MDH1B: variants seen among roughly 807,000 people sequenced by gnomAD.
MDH1B encodes malate dehydrogenase 1B.
MDH1B carries 60 observed loss-of-function variants against 61.4 expected under a neutral mutation model. The ratio of observed to expected loss-of-function variants is 0.98; its 90% CI spans 0.79 to 1.21. MDH1B has a LOEUF of 1.21. Ranked by LOEUF, MDH1B falls within the 50% of genes most tolerant of loss-of-function variation. The probability of loss-of-function intolerance (pLI) is 0.00; values close to 1 mark genes in which losing one functional copy is unlikely to be tolerated. For missense variants in MDH1B, 587 were observed against 632.1 expected (o/e 0.93, Z 0.76); for synonymous variants, 236 against 218.7 (o/e 1.08, Z -0.70).
chr2:206,747,413 C>T (rs928102958), intron 7 of MDH1B, among the ~76,000 whole-genome samples: 5 of 152,184 alleles, frequency 3.3e-5, no homozygotes, highest in African/African-American at 7.2e-5. Flanking sequence ...ACAATTCCTA[C>T]AGAGATTAAT....
intron 10 of MDH1B, among the ~76,000 whole-genome samples, chr2:206,739,928 C>A (rs1687713733): frequency 6.6e-6 from 1 of 152,178 alleles, no homozygotes; most frequent in South Asian, 2.1e-4. Flanking sequence ...CCCTATGAAG[C>A]CTCCTTCCCT....
At chr2:206,756,582 G>C in intron 4 of MDH1B, 1 of 272,790 alleles carries the variant, frequency 3.7e-6, no homozygotes, top group Non-Finnish European at 6.9e-6. Context: ...GAAAGCTCTA[G>C]CACGTGGGAA....
chr2:206,765,283 A>C lies in MDH1B; in HGVS notation c.-12T>G, dbSNP rs562208234. On this transcript the variant is annotated 5_prime_UTR_variant, in exon 1 of 12. Transcript: ENST00000374412. ...ACGAATTTGGCCATGGTCGAGAGAG[A>C]CTCAGAGGCAGGGACCGCGGCTTCG... The C allele has an allele frequency of 1.3e-6, 2 of 1,597,830 alleles. No homozygotes were observed. Among genetic ancestry groups the C allele is most frequent in the Admixed American group, 1.8e-5 (1 of 55,196 alleles).
Position 206,756,878 on chromosome 2 carries a change from C to G in MDH1B, c.413+20G>C. The G allele has an allele frequency of 6.2e-7, 1 of 1,611,464 alleles. No homozygotes were observed. The highest frequency in any genetic ancestry group is 8.5e-7 in the Non-Finnish European group (1 of 1,178,840). On this transcript the variant is annotated intron_variant, in intron 4 of 11. Coordinates refer to ENST00000374412, the MANE Select transcript of MDH1B (RefSeq NM_001039845.3). ...ATATAAAAAGTAAATCTCATGAATC[C>G]TGGGATTTGACTGTCCCACCTGGTG...
At position 206,749,183 on chromosome 2, in the gene MDH1B, A is replaced by G. The variant is rs746343804; in HGVS notation, c.1053T>C (p.Ser351=). The change falls in exon 7 of 12, where the codon AGT becomes AGC. Residue 351 remains serine (S), a splice_region_variant and synonymous_variant. Coordinates refer to ENST00000374412, the MANE Select transcript of MDH1B (RefSeq NM_001039845.3). Reference sequence around the variant, plus strand: ...CCACAAATTCTCTTTTTACCCACTCACTGTAAGGAGAGAAAGAAACAATTT... The same window carrying G: ...CCACAAATTCTCTTTTTACCCACTCGCTGTAAGGAGAGAAAGAAACAATTT... ...SRPVLNLIFD[S]EWVKREFVAI... 6.2e-7 allele frequency: 1 copy of G among 1,613,732 alleles called. No homozygotes were observed. The highest frequency in any genetic ancestry group is 2.2e-5 in the East Asian group (1 of 44,852).
intron 2 of MDH1B, among the ~76,000 whole-genome samples, chr2:206,759,148 C>T (rs765382998): frequency 1.1e-4 from 17 of 152,020 alleles, no homozygotes; most frequent in Non-Finnish European, 1.8e-4. Flanking sequence ...CTCCACCCTC[C>T]GATAGGCCCC....
chr2:206,755,091 T>C lies in MDH1B; in HGVS notation c.828A>G (p.Ala276=). 2 of 1,614,222 alleles carry C rather than the reference T, an allele frequency of 1.2e-6. No homozygotes were observed. Among genetic ancestry groups the C allele is most frequent in the Non-Finnish European group, 1.7e-6 (2 of 1,180,026 alleles). ...CCAGCGCCACAGCAATAATGTTGTG[T>C]GCAATGCGTGGGGCATATCTCATGA... ...VLLMRYAPRI[A]HNIIAVALGV... Residue 276 remains alanine, a synonymous_variant, in exon 5 of 12, where the codon GCA becomes GCG. Transcript: ENST00000374412.
At chr2:206,756,877 C>A (rs373579196) in intron 4 of MDH1B, 21 bp downstream of exon 4, 28 of 1,611,776 alleles carry the variant, frequency 1.7e-5, no homozygotes, top group Admixed American at 8.4e-5. Flanking sequence ...TCTCATGAAT[C>A]CTGGGATTTG....
intron 1 of MDH1B, among the ~76,000 whole-genome samples, chr2:206,762,549 T>C (rs1173490478): frequency 1.3e-5 from 2 of 151,872 alleles, no homozygotes; most frequent in Admixed American, 1.3e-4. Context: ...TTAAATATAC[T>C]CATTACATTA....
At chr2:206,745,084 T>C (rs1688026639) in intron 9 of MDH1B, among the ~76,000 whole-genome samples, 1 of 152,038 alleles carries the variant, frequency 6.6e-6, no homozygotes, top group Non-Finnish European at 1.5e-5. Context: ...ATGCAATGAC[T>C]GGTATCCTTA....
Position 206,755,277 on chromosome 2 carries a change from C to T in MDH1B, c.642G>A (p.Leu214=), listed in dbSNP as rs372225879. The T allele has an allele frequency of 3.7e-6, 6 of 1,614,084 alleles. No individual in the cohort carries two copies. Among genetic ancestry groups the T allele is most frequent in the Admixed American group, 1.7e-5 (1 of 60,012 alleles). The change falls in exon 5 of 12, where the codon CTG becomes CTA. Residue 214 remains leucine (L), a synonymous_variant. Transcript: ENST00000374412. ...ACACCTCCTTGTTGGTGCTGTCATCCAGCACCACAATGACGTGGGCCTGGC... is the reference window on the plus strand; with the variant it reads ...ACACCTCCTTGTTGGTGCTGTCATCTAGCACCACAATGACGTGGGCCTGGC... The part of the protein sequence containing the change: ...AFRQAHVIVV[L]DDSTNKEVFT...
In MDH1B at chr2:206,755,040, T is replaced by C. The variant is rs149973358; in HGVS notation, c.879A>G (p.Ile293Met). The C allele has an allele frequency of 1.3e-4, 213 of 1,613,956 alleles. 1 individual carries two copies. In the East Asian group the frequency reaches 4.6e-3, roughly 35 times the overall value. ...ALGVEGEAKAILARKLKTAPS... is the reference protein window; with the variant it reads ...ALGVEGEAKAMLARKLKTAPS... The stretch of plus-strand genomic sequence containing the variant: ...GAGCTGTCTTCAGTTTTCTGGCCAG[T>C]ATGGCTTTCGCTTCACCTTCCACCC... Residue 293 changes from isoleucine to methionine, a missense_variant, in exon 5 of 12, where the codon ATA (isoleucine) becomes ATG (methionine). Coordinates refer to ENST00000374412, the MANE Select transcript of MDH1B (RefSeq NM_001039845.3).
chr2:206,760,893 C>T lies in MDH1B; in HGVS notation c.135+8G>A, dbSNP rs1368742909. On this transcript the variant is annotated splice_region_variant and intron_variant, in intron 2 of 11. Coordinates refer to ENST00000374412, the MANE Select transcript of MDH1B (RefSeq NM_001039845.3). ...GAGTGAGTTCAACAAACTATAAAGG[C>T]TTCTTACCTCCCAAACCTCAGGACG... The T allele has an allele frequency of 5.0e-5, 77 of 1,532,202 alleles. No homozygotes were observed. The highest frequency in any genetic ancestry group is 6.3e-5 in the Non-Finnish European group (70 of 1,107,962). The allele number at this position is 1,532,202 out of a possible 1,614,324, so 94.9% of individuals were successfully genotyped here. A position where few individuals can be genotyped will look rare whatever the true frequency, so the allele number is the denominator to read the frequency against.
At chr2:206,758,667 G>A (rs1359480936) in intron 2 of MDH1B, among the ~76,000 whole-genome samples, 3 of 152,118 alleles carry the variant, frequency 2.0e-5, no homozygotes, top group African/African-American at 7.2e-5. Context: ...TCAGGAGGCT[G>A]AGGCAGGAGA....
At chr2:206,745,805 C>T (rs1688075401) in intron 8 of MDH1B, 132 bp from the exon 9 acceptor site, 1 of 627,084 alleles carries the variant, frequency 1.6e-6, no homozygotes, top group Non-Finnish European at 2.8e-6. Context: ...GCAATCTCAG[C>T]TCACCACAAC....
intron 7 of MDH1B, among the ~76,000 whole-genome samples, chr2:206,748,189 G>T (rs1688226500): frequency 6.6e-6 from 1 of 152,180 alleles, no homozygotes. Flanking sequence ...GACCATTCTG[G>T]CCAACATGGT....
At chr2:206,757,109 A>T in intron 3 of MDH1B, 69 bp from the exon 4 acceptor site, 8 of 1,556,324 alleles carry the variant, frequency 5.1e-6, no homozygotes, top group Non-Finnish European at 7.0e-6. Flanking sequence ...TATAATGGAA[A>T]GTTTTTGTTT....
At chr2:206,762,215 C>T (rs545582923) in intron 1 of MDH1B, among the ~76,000 whole-genome samples, 1 of 152,262 alleles carries the variant, frequency 6.6e-6, no homozygotes, top group South Asian at 2.1e-4. Flanking sequence ...TTTCCTTCTC[C>T]CCAACATTCC....
intron 1 of MDH1B, among the ~76,000 whole-genome samples, chr2:206,762,369 C>T (rs115712070): frequency 4.8e-4 from 73 of 152,290 alleles, no homozygotes; most frequent in African/African-American, 1.7e-3. Context: ...CTCATCCTTT[C>T]CTCCTTTCTT....
Sources: allele counts gnomAD v4.1 joint callset (sites outside exome capture counted in the v4.1 genomes callset), GRCh38; gene constraint gnomAD v4.1.1; transcripts MANE v1.5; gene names NCBI Gene and HGNC (gene_info 2026-07-23, HGNC 2026-07-21).